EPHA5: variants seen among roughly 807,000 people sequenced by gnomAD.
EPHA5 encodes the protein EPH receptor A5, also known as ephrin type-A receptor 5.
Under a neutral mutation model 105.0 loss-of-function variants are expected in EPHA5, and 60 were observed. The observed-to-expected ratio is 0.57, with a 90% CI of 0.46 to 0.71. EPHA5 has a LOEUF of 0.71. Ranked by LOEUF, EPHA5 falls within the 30% of genes least tolerant of loss-of-function variation. The probability of loss-of-function intolerance (pLI) is 0.00; values close to 1 mark genes in which losing one functional copy is unlikely to be tolerated. For missense variants in EPHA5, 1,218 were observed against 1,274.7 expected, an observed-to-expected ratio of 0.96 and a Z score of 0.68; for synonymous variants, 513 against 449.1, an observed-to-expected ratio of 1.14 and a Z score of -1.80.
intron 3 of EPHA5, among the ~76,000 whole-genome samples, chr4:65,593,808 G>A (rs865894146): frequency 2.0e-5 from 3 of 152,150 alleles, no homozygotes; most frequent in African/African-American, 4.8e-5. Flanking sequence ...AATCTGCTAC[G>A]CACACAAATA....
rs937534473 is a variant in EPHA5, at chr4:65,331,253, A to C, written c.2945+720T>G. The C allele has an allele frequency of 1.3e-5, 13 of 1,029,804 alleles. No individual in the cohort carries two copies. The Admixed American group carries it at 4.5e-4, about 36-fold the overall frequency. 63.8% of individuals were successfully genotyped at this position (1,029,804 alleles called of 1,614,324 possible). ...AAGACAGTTAATTTTCACAAATAACAATTAGGCTAAAACAACCACATGTAC... is the reference window on the plus strand; with the variant it reads ...AAGACAGTTAATTTTCACAAATAACCATTAGGCTAAAACAACCACATGTAC... On this transcript the variant is annotated intron_variant, in intron 16 of 16. Coordinates refer to ENST00000613740, the MANE Select transcript of EPHA5 (RefSeq NM_001281766.3).
intron 3 of EPHA5, among the ~76,000 whole-genome samples, chr4:65,529,604 T>C (rs1735571339): frequency 6.6e-6 from 1 of 152,142 alleles, no homozygotes; most frequent in Non-Finnish European, 1.5e-5. Flanking sequence ...ATAATTTTCA[T>C]TGTGCATATG....
intron 3 of EPHA5, among the ~76,000 whole-genome samples, chr4:65,538,149 T>C (rs545330461): frequency 1.3e-5 from 2 of 151,904 alleles, no homozygotes; most frequent in African/African-American, 4.8e-5. Flanking sequence ...CAGTGCACTA[T>C]GTGAAACAAA....
chr4:65,409,751 T>C (rs17086201), intron 7 of EPHA5, among the ~76,000 whole-genome samples: 679 of 152,312 alleles, frequency 4.5e-3, no homozygotes, highest in Non-Finnish European at 7.9e-3. Context: ...AATGTAAGTA[T>C]GTAGAATCAG....
intron 14 of EPHA5, among the ~76,000 whole-genome samples, chr4:65,338,743 T>C (rs1241992899): frequency 6.6e-6 from 1 of 152,166 alleles, no homozygotes; most frequent in African/African-American, 2.4e-5. Context: ...TCACATTTTA[T>C]ATTAGAAGTT....
chr4:65,500,150 A>G (rs907805437), intron 3 of EPHA5, among the ~76,000 whole-genome samples: 3 of 151,520 alleles, frequency 2.0e-5, no homozygotes, highest in African/African-American at 7.2e-5. Flanking sequence ...TTAAATACCA[A>G]TCCAAAATGG....
At chr4:65,443,525 A>G (rs1726212669) in intron 5 of EPHA5, among the ~76,000 whole-genome samples, 1 of 152,062 alleles carries the variant, frequency 6.6e-6, no homozygotes, top group Non-Finnish European at 1.5e-5. Flanking sequence ...AATTTAAGGC[A>G]TATCAGAAAC....
Position 65,404,509 on chromosome 4 carries a change from T to C in EPHA5, c.1688-30A>G, listed in dbSNP as rs753365186. 9.4e-6 allele frequency: 15 copies of C among 1,596,636 alleles called. 1 individual carries two copies. In the Admixed American group the frequency reaches 1.2e-4, roughly 12 times the overall value. On this transcript the variant is annotated intron_variant, in intron 7 of 16. Coordinates refer to ENST00000613740, the MANE Select transcript of EPHA5 (RefSeq NM_001281766.3). ...TAGGAGATACAGAAAATGGAGCTTG[T>C]GGTTAAAGTGATCACATGCATTCAA... is the stretch of plus-strand genomic sequence containing the variant.
At position 65,495,520 on chromosome 4, in the gene EPHA5, C is replaced by A. The variant is rs1731842423; in HGVS notation, c.934G>T (p.Ala312Ser). ...CCGCAGCTCTGGATGTGAGGTGAGG[C>A]TTTGAAGAACCCAGGTCTGCACACT... ...CQVCRPGFFK[A>S]SPHIQSCGKC... Residue 312 changes from alanine to serine, a missense_variant, in exon 4 of 17, where the codon GCC (alanine) becomes TCC (serine). Around this residue, in one of 3 missense-constraint regions of EPHA5, gnomAD observed 971 missense variants for 1,013.5 expected, o/e 0.96. Transcript: ENST00000613740. 1 of 1,613,522 alleles carries A rather than the reference C, an allele frequency of 6.2e-7. No homozygotes were observed. Among genetic ancestry groups the A allele is most frequent in the African/African-American group, 1.3e-5 (1 of 74,874 alleles).
intron 14 of EPHA5, among the ~76,000 whole-genome samples, chr4:65,343,767 A>T (rs1313796246): frequency 1.3e-5 from 2 of 152,316 alleles, no homozygotes; most frequent in South Asian, 2.1e-4. Flanking sequence ...TTATAGACAG[A>T]TATTTTAGAA....
chr4:65,649,412 T>A (rs1163753347), intron 1 of EPHA5, among the ~76,000 whole-genome samples: 1 of 152,180 alleles, frequency 6.6e-6, no homozygotes, highest in African/African-American at 2.4e-5. Context: ...TGAGAAAAAC[T>A]GCACAACCAG....
intron 3 of EPHA5, among the ~76,000 whole-genome samples, chr4:65,506,239 C>T (rs1402018978): frequency 6.6e-6 from 1 of 151,984 alleles, no homozygotes; most frequent in Non-Finnish European, 1.5e-5. Flanking sequence ...TTTCTTAATC[C>T]AGTCTATCAT....
At position 65,542,262 on chromosome 4, in the gene EPHA5, C is replaced by A. The variant is rs79953812; in HGVS notation, c.911-46719G>T. Among the ~76,000 whole-genome samples the A allele has an allele frequency of 7.7e-3, 1,164 of 151,692 alleles. 8 individuals carry two copies. The highest frequency in any genetic ancestry group is 0.014 in the Middle Eastern group (4 of 294). On this transcript the variant is annotated intron_variant, in intron 3 of 16. Transcript: ENST00000613740. ...AGAGTGGAACTGAAGAAGATAAAGA[C>A]ACAACAAACATCAAAAAATCAATAA...
chr4:65,423,090 T>G (rs1724088771), intron 5 of EPHA5, among the ~76,000 whole-genome samples: 1 of 152,070 alleles, frequency 6.6e-6, no homozygotes, highest in Non-Finnish European at 1.5e-5. Context: ...AAAGTTTCCT[T>G]GATTTGATGA....
At chr4:65,667,324 A>T (rs1750049407) in intron 1 of EPHA5, among the ~76,000 whole-genome samples, 1 of 152,192 alleles carries the variant, frequency 6.6e-6, no homozygotes, top group Admixed American at 6.5e-5. Context: ...AAGATGGAAA[A>T]CTGCTCAGCT....
At chr4:65,353,508 A>G (rs1042508737) in intron 11 of EPHA5, among the ~76,000 whole-genome samples, 1 of 50,900 alleles carries the variant, frequency 2.0e-5, no homozygotes, top group Admixed American at 2.1e-4. Flanking sequence ...AGATTTACAC[A>G]CACACACACA....
chr4:65,632,665 T>C (rs770616894), intron 2 of EPHA5, among the ~76,000 whole-genome samples: 57 of 152,148 alleles, frequency 3.7e-4, no homozygotes, highest in Non-Finnish European at 7.7e-4. Flanking sequence ...CATAGAGTGA[T>C]CTGCTAGAGG....
chr4:65,324,744 T>A (rs1280434091), intron 16 of EPHA5, among the ~76,000 whole-genome samples: 1 of 116,436 alleles, frequency 8.6e-6, no homozygotes, highest in African/African-American at 3.7e-5. Flanking sequence ...ATGTTTTACT[T>A]TTTTTTTTTT....
chr4:65,366,974 A>C (rs892686359), intron 9 of EPHA5, among the ~76,000 whole-genome samples: 11 of 151,824 alleles, frequency 7.2e-5, no homozygotes, highest in Non-Finnish European at 1.0e-4. Flanking sequence ...GAAGAAAAAA[A>C]AAACCTGAGA....
Sources: gnomAD v4.1 joint callset for allele counts (sites outside exome capture counted in the v4.1 genomes callset) on GRCh38, gnomAD v4.1.1 for gene constraint, gnomAD v4.1.1 regional missense constraint, MANE v1.5 for transcripts, NCBI Gene and HGNC (gene_info 2026-07-23, HGNC 2026-07-21) for gene names.